SSMEM1: variants seen among roughly 807,000 people sequenced by gnomAD.
The protein encoded by SSMEM1 is serine rich single-pass membrane protein 1.
SSMEM1 carries 12 observed loss-of-function variants against 9.9 expected under a neutral mutation model. That is an observed-to-expected ratio of 1.21 (90% CI 0.78 to 1.96). SSMEM1 has a LOEUF of 1.96. SSMEM1 is among the 30% of genes most tolerant of loss of function. The pLI is 0.00. For missense variants in SSMEM1, 259 were observed against 292.2 expected (o/e 0.89, Z 0.83); for synonymous variants, 96 against 98.9 (o/e 0.97, Z 0.17).
chr7:130,215,289 G>A (rs1038960187), intron 2 of SSMEM1, among the ~76,000 whole-genome samples: 2 of 152,104 alleles, frequency 1.3e-5, no homozygotes, highest in African/African-American at 4.8e-5. Context: ...GGGCAACAGA[G>A]CGAGACTCCA....
intron 2 of SSMEM1, among the ~76,000 whole-genome samples, chr7:130,214,409 ACT>A (rs1798664345): frequency 6.6e-6 from 1 of 152,046 alleles, no homozygotes; most frequent in Admixed American, 6.5e-5. Flanking sequence ...TGAGTCCCTG[ACT>A]CTAAAAATTT....
chr7:130,205,450 A>G (rs370290457), upstream of SSMEM1: 316 of 1,610,230 alleles, frequency 2.0e-4, 1 homozygote, highest in Non-Finnish European at 2.5e-4. Context: ...GCGGGAGGCC[A>G]CCGGCAAGCG....
At chr7:130,213,710 A>AAAAAAAAAG (rs1562906803) in intron 2 of SSMEM1, among the ~76,000 whole-genome samples, 176 bp downstream of exon 2, 15 of 119,358 alleles carry the variant, frequency 1.3e-4, no homozygotes, top group East Asian at 2.9e-4. Context: ...AAAAAAAAAA[A>AAAAAAAAAG]AAAAGAAAAG....
At position 130,216,434 on chromosome 7, in the gene SSMEM1, C is replaced by T. The variant is rs773905473; in HGVS notation, c.699C>T (p.Ser233=). 58 of 1,611,214 alleles carry T rather than the reference C, an allele frequency of 3.6e-5. No homozygotes were observed. The highest frequency in any genetic ancestry group is 4.4e-5 in the Non-Finnish European group (52 of 1,177,804). The part of the protein sequence containing the change: ...PMKRDSQEES[S]ISDINKKFSK... Reference sequence around the variant, plus strand: ...AAAGAGACAGTCAAGAGGAAAGTTCCATATCTGACATTAACAAGAAATTTA... The same window carrying T: ...AAAGAGACAGTCAAGAGGAAAGTTCTATATCTGACATTAACAAGAAATTTA... The change falls in exon 3 of 3, where the codon TCC becomes TCT. Residue 233 remains serine, a synonymous_variant. Coordinates refer to ENST00000297819, the MANE Select transcript of SSMEM1 (RefSeq NM_145268.4).
At chr7:130,213,710 A>AAAAAAAAAAAAAAAAAAAAAAG (rs1562906803) in intron 2 of SSMEM1, among the ~76,000 whole-genome samples, 176 bp downstream of exon 2, 3 of 119,374 alleles carry the variant, frequency 2.5e-5, no homozygotes, top group African/African-American at 3.1e-5. Context: ...AAAAAAAAAA[A>AAAAAAAAAAAAAAAAAAAAAAG]AAAAGAAAAG....
chr7:130,208,166 C>G, intron 1 of SSMEM1, 73 bp downstream of exon 1: 4 of 1,392,432 alleles, frequency 2.9e-6, no homozygotes, highest in Non-Finnish European at 3.9e-6. Context: ...AATACATTTA[C>G]TATACTTTGA....
At position 130,216,014 on chromosome 7, in the gene SSMEM1, T is replaced by C; in HGVS notation, c.279T>C (p.Ser93=). 6.2e-7 allele frequency: 1 copy of C among 1,614,186 alleles called. No homozygotes were observed. The highest frequency in any genetic ancestry group is 1.1e-5 in the South Asian group (1 of 91,082). The change falls in exon 3 of 3, where the codon AGT becomes AGC. Residue 93 remains serine, a synonymous_variant. Coordinates refer to ENST00000297819, the MANE Select transcript of SSMEM1 (RefSeq NM_145268.4). The part of the protein sequence containing the change: ...ETSCKRQSKD[S]AWDPSQTMKK... ...CCTGTAAGCGGCAAAGCAAAGACAG[T>C]GCCTGGGATCCCTCACAAACAATGA... is the stretch of plus-strand genomic sequence containing the variant.
rs1469538368 is a variant in SSMEM1 at position 130,215,988 on chromosome 7, T to A, written c.253T>A (p.Ser85Thr). 2 of 1,613,756 alleles carry A rather than the reference T, an allele frequency of 1.2e-6. No individual in the cohort carries two copies. Among genetic ancestry groups the A allele is most frequent in the Non-Finnish European group, 1.7e-6 (2 of 1,179,896 alleles). ...TTGGTTGTTAGCAAGCAAAGAGACTTCCTGTAAGCGGCAAAGCAAAGACAG... is the reference window on the plus strand; with the variant it reads ...TTGGTTGTTAGCAAGCAAAGAGACTACCTGTAAGCGGCAAAGCAAAGACAG... ...TSVRKASKETSCKRQSKDSAW... is the reference protein window; with the variant it reads ...TSVRKASKETTCKRQSKDSAW... The change falls in exon 3 of 3, where the codon TCC (serine) becomes ACC (threonine). Residue 85 changes from serine to threonine, a missense_variant. Coordinates refer to ENST00000297819, the MANE Select transcript of SSMEM1 (RefSeq NM_145268.4).
In SSMEM1 at chr7:130,216,730, GATATTTTGTGCCTTGAGTGTAT is replaced by G. The variant is rs1312002097; in HGVS notation, c.*283_*304del. On this transcript the variant is annotated 3_prime_UTR_variant, in exon 3 of 3. Coordinates refer to ENST00000297819, the MANE Select transcript of SSMEM1 (RefSeq NM_145268.4). ...TTTTTATTTGAAATAGCACAAGACA[GATATTTTGTGCCTTGAGTGTAT>G]ATATTTTGTGCCTTGAGTGTATGTA... The G allele has an allele frequency of 4.2e-5, 19 of 447,450 alleles. No individual in the cohort carries two copies. Among genetic ancestry groups the G allele is most frequent in the Non-Finnish European group, 6.3e-5 (16 of 252,804 alleles). 27.7% of individuals were successfully genotyped at this position (447,450 alleles called of 1,614,324 possible).
chr7:130,213,976 C>A (rs765198244), intron 2 of SSMEM1, among the ~76,000 whole-genome samples: 3 of 152,186 alleles, frequency 2.0e-5, no homozygotes, highest in Non-Finnish European at 4.4e-5. Context: ...TCTCTCCCTT[C>A]ACATTGCTTG....
At position 130,211,486 on chromosome 7, in the gene SSMEM1, C is replaced by T. The variant is rs181743265; in HGVS notation, c.184-1994C>T. Among the ~76,000 whole-genome samples the T allele has an allele frequency of 1.7e-4, 26 of 152,198 alleles. 1 individual carries two copies. Among genetic ancestry groups the T allele is most frequent in the African/African-American group, 4.3e-4 (18 of 41,538 alleles). ...AAAGTGGTATCTTAAAAGTGAACTCCGCTTTCAAGATTTTTGGAGAATGAT... is the reference window on the plus strand; with the variant it reads ...AAAGTGGTATCTTAAAAGTGAACTCTGCTTTCAAGATTTTTGGAGAATGAT... On this transcript the variant is annotated intron_variant, in intron 1 of 2. Transcript: ENST00000297819.
At chr7:130,213,404 A>T in intron 1 of SSMEM1, 76 bp from the exon 2 acceptor site, 1 of 1,172,222 alleles carries the variant, frequency 8.5e-7, no homozygotes, top group Non-Finnish European at 1.2e-6. Flanking sequence ...GGGCCTCAGC[A>T]ATAGTGTTTT....
At chr7:130,207,300 G>A (rs1584709252), upstream of SSMEM1, among the ~76,000 whole-genome samples, 1 of 152,188 alleles carries the variant, frequency 6.6e-6, no homozygotes, top group Admixed American at 6.5e-5. Context: ...AGCAGGGTTG[G>A]TTTCTCCTGA....
chr7:130,212,636 A>G (rs1289878746), intron 1 of SSMEM1, among the ~76,000 whole-genome samples: 1 of 151,976 alleles, frequency 6.6e-6, no homozygotes, highest in South Asian at 2.1e-4. Flanking sequence ...GAGACGGGAG[A>G]ATCACTTGAA....
At chr7:130,213,710 A>AAG (rs1554382343) in intron 2 of SSMEM1, among the ~76,000 whole-genome samples, 176 bp downstream of exon 2, 383 of 119,376 alleles carry the variant, frequency 3.2e-3, no homozygotes, top group East Asian at 0.029. Context: ...AAAAAAAAAA[A>AAG]AAAAGAAAAG....
At chr7:130,209,170 A>G (rs1047828939) in intron 1 of SSMEM1, among the ~76,000 whole-genome samples, 3 of 152,162 alleles carry the variant, frequency 2.0e-5, no homozygotes, top group Admixed American at 6.5e-5. Flanking sequence ...GCCGTAACCA[A>G]GCTCTTATAA....
At chr7:130,212,064 T>C (rs1049698312) in intron 1 of SSMEM1, among the ~76,000 whole-genome samples, 1 of 152,212 alleles carries the variant, frequency 6.6e-6, no homozygotes, top group Non-Finnish European at 1.5e-5. Context: ...GAGAGAATTA[T>C]ATGTCAAAGG....
intron 2 of SSMEM1, among the ~76,000 whole-genome samples, chr7:130,214,339 G>A (rs1328108328): frequency 1.3e-5 from 2 of 152,110 alleles, no homozygotes; most frequent in Non-Finnish European, 2.9e-5. Flanking sequence ...TTGAGCCCAG[G>A]AGTTCGAGGC....
At chr7:130,211,239 G>A (rs1798585907) in intron 1 of SSMEM1, among the ~76,000 whole-genome samples, 1 of 147,024 alleles carries the variant, frequency 6.8e-6, no homozygotes, top group African/African-American at 2.5e-5. Flanking sequence ...CTCACTGCAA[G>A]CTCCGCCTCT....
Sources: allele counts gnomAD v4.1 joint callset (sites outside exome capture counted in the v4.1 genomes callset), GRCh38; gene constraint gnomAD v4.1.1; transcripts MANE v1.5; gene names NCBI Gene and HGNC (gene_info 2026-07-23, HGNC 2026-07-21).